SLC36A1: variants seen among roughly 807,000 people sequenced by gnomAD.
SLC36A1 encodes the protein proton-coupled amino acid transporter 1.
In SLC36A1, 30 loss-of-function variants were observed where a neutral mutation model predicts 47.5. That is an observed-to-expected ratio of 0.63 (90% confidence interval 0.47 to 0.86). The LOEUF is 0.86. Among genes scored for constraint, SLC36A1 ranks in the 40% least tolerant of loss-of-function variants. The pLI, the probability that SLC36A1 is intolerant of heterozygous loss-of-function variation, is 0.00. For missense variants in SLC36A1, 517 were observed against 606.0 expected, an observed-to-expected ratio of 0.85 and a Z score of 1.54; for synonymous variants, 255 against 249.7, an observed-to-expected ratio of 1.02 and a Z score of -0.20.
the SLC36A1 span, chr5:151,382,014 A>T: frequency 1.6e-6 from 1 of 622,486 alleles, no homozygotes; most frequent in Non-Finnish European, 2.9e-6. Context: ...GGCAGTGCTT[A>T]TGCCCAGCCC....
At chr5:151,390,588 G>A in the SLC36A1 span, among the ~76,000 whole-genome samples, 2 of 152,150 alleles carry the variant, frequency 1.3e-5, no homozygotes, top group South Asian at 2.1e-4. Flanking sequence ...TTTGTATAAG[G>A]TGTAAGGAAG....
chr5:151,347,942 A>G, the SLC36A1 span, among the ~76,000 whole-genome samples: 292 of 152,182 alleles, frequency 1.9e-3, 1 homozygote, highest in African/African-American at 6.7e-3. Context: ...ACCTAGCCCA[A>G]TTTGTCAAGG....
At chr5:151,377,346 TC>T in the SLC36A1 span, among the ~76,000 whole-genome samples, 1 of 143,764 alleles carries the variant, frequency 7.0e-6, no homozygotes, top group Non-Finnish European at 1.5e-5. Flanking sequence ...GCTGTCTCTT[TC>T]TTTTTTTTTT....
the SLC36A1 span, among the ~76,000 whole-genome samples, chr5:151,501,054 C>A: frequency 6.6e-6 from 1 of 152,196 alleles, no homozygotes; most frequent in African/African-American, 2.4e-5. Flanking sequence ...CATCCCCAGA[C>A]TGGGTGTCGG....
the SLC36A1 span, among the ~76,000 whole-genome samples, chr5:151,356,246 G>A: frequency 6.7e-6 from 1 of 149,782 alleles, no homozygotes; most frequent in Non-Finnish European, 1.5e-5. Flanking sequence ...GGCTGAGGCA[G>A]GAGAATCGCT....
chr5:151,502,154 A>C, the SLC36A1 span, among the ~76,000 whole-genome samples: 373 of 147,870 alleles, frequency 2.5e-3, 59 homozygotes, highest in African/African-American at 9.5e-3. Context: ...TCTACTAAAA[A>C]TACAAGAATT....
chr5:151,458,332 ATGG>A (rs1561738087), intron 1 of SLC36A1, among the ~76,000 whole-genome samples: 6 of 108,362 alleles, frequency 5.5e-5, no homozygotes, highest in African/African-American at 2.0e-4. Context: ...ATATATATAT[ATGG>A]GATATTTATA....
chr5:151,551,143 A>T, the SLC36A1 span, among the ~76,000 whole-genome samples: 1 of 152,218 alleles, frequency 6.6e-6, no homozygotes, highest in African/African-American at 2.4e-5. Flanking sequence ...GAAACAGATA[A>T]AACACTGGCT....
In SLC36A1 at chr5:151,449,365, G is replaced by A. The variant is rs959642796; in HGVS notation, c.-6+1552G>A. 7.9e-5 allele frequency among the ~76,000 whole-genome samples: 12 copies of A among 152,214 alleles called. No individual in the cohort carries two copies. In the South Asian group the frequency reaches 2.5e-3, roughly 31 times the overall value. ...TTTAGAACATGTTTTCGTTAAAAAT[G>A]TTCTTGAAGTCAAGTGGAAAGGGAC... On this transcript the variant is annotated intron_variant, in intron 1 of 10. Coordinates refer to ENST00000243389, the MANE Select transcript of SLC36A1 (RefSeq NM_078483.4).
the SLC36A1 span, among the ~76,000 whole-genome samples, chr5:151,417,249 G>T: frequency 6.6e-6 from 1 of 152,216 alleles, no homozygotes; most frequent in Admixed American, 6.5e-5. Context: ...GGAGGGCTCA[G>T]AAGAAGACAG....
the SLC36A1 span, among the ~76,000 whole-genome samples, chr5:151,555,984 T>C: frequency 6.6e-6 from 1 of 152,194 alleles, no homozygotes; most frequent in African/African-American, 2.4e-5. Flanking sequence ...GTTTTCATCC[T>C]GGCTCTGCTA....
chr5:151,460,130 C>T (rs1755288509), intron 2 of SLC36A1, among the ~76,000 whole-genome samples: 1 of 152,100 alleles, frequency 6.6e-6, no homozygotes, highest in South Asian at 2.1e-4. Context: ...TTCCTCCAAC[C>T]TTATCAGCAT....
the SLC36A1 span, chr5:151,543,862 T>C: frequency 3.7e-6 from 6 of 1,614,198 alleles, no homozygotes; most frequent in Non-Finnish European, 5.1e-6. Context: ...CCTGTCCTGA[T>C]TGCCAGAAAG....
the SLC36A1 span, among the ~76,000 whole-genome samples, chr5:151,390,320 G>A: frequency 6.6e-6 from 1 of 152,198 alleles, no homozygotes; most frequent in African/African-American, 2.4e-5. Flanking sequence ...TTTGTCAGAT[G>A]AGTAGATTGC....
chr5:151,547,442 C>T, the SLC36A1 span, among the ~76,000 whole-genome samples: 2 of 152,182 alleles, frequency 1.3e-5, no homozygotes, highest in Non-Finnish European at 2.9e-5. Flanking sequence ...TTGCTCACCA[C>T]CACAGATACA....
chr5:151,553,968 A>T, the SLC36A1 span, among the ~76,000 whole-genome samples: 1 of 152,180 alleles, frequency 6.6e-6, no homozygotes, highest in Non-Finnish European at 1.5e-5. Context: ...TAGCTACCTG[A>T]TATATTGGCT....
upstream of SLC36A1, among the ~76,000 whole-genome samples, chr5:151,433,248 A>T (rs1561704875): frequency 2.7e-4 from 3 of 11,268 alleles, no homozygotes; most frequent in East Asian, 3.8e-3. Context: ...ATATATATAT[A>T]TATATATATA....
In SLC36A1 at chr5:151,461,597, A is replaced by G. The variant is rs141018104; in HGVS notation, c.144-1956A>G. 3.8e-3 allele frequency among the ~76,000 whole-genome samples: 583 copies of G among 152,298 alleles called. 4 individuals are homozygous for G. The highest frequency in any genetic ancestry group is 0.013 in the African/African-American group (549 of 41,556). ...TGAGGCTAAAACTCTCTTCATAATA[A>G]TACTAAGATGTTATCTGCTTTTTCA... On this transcript the variant is annotated intron_variant, in intron 2 of 10. Transcript: ENST00000243389.
the SLC36A1 span, among the ~76,000 whole-genome samples, chr5:151,427,227 G>A: frequency 3.3e-5 from 5 of 152,138 alleles, no homozygotes; most frequent in Non-Finnish European, 7.3e-5. Context: ...AATAATTGTG[G>A]ATATATTATA....
Sources: allele counts gnomAD v4.1 joint callset (sites outside exome capture counted in the v4.1 genomes callset), GRCh38; gene constraint gnomAD v4.1.1; transcripts MANE v1.5; gene names NCBI Gene and HGNC (gene_info 2026-07-23, HGNC 2026-07-21).